Variants in ZNF552 observed in about 807,000 individuals in gnomAD.
The protein encoded by ZNF552 is zinc finger protein 552.
A neutral mutation model predicts 7.2 loss-of-function variants in ZNF552; 2 were observed. That is an observed-to-expected ratio of 0.28 (90% CI 0.11 to 0.88). The LOEUF is 0.88. Among genes scored for constraint, ZNF552 ranks in the 40% least tolerant of loss-of-function variants. ZNF552 has a pLI of 0.60. For synonymous variants in ZNF552, 173 were observed against 176.5 expected (o/e 0.98, Z 0.16); for missense variants, 421 against 493.4 (o/e 0.85, Z 1.39).
chr19:57,810,579 C>T (rs1194976792), intron 2 of ZNF552, among the ~76,000 whole-genome samples: 1 of 152,156 alleles, frequency 6.6e-6, no homozygotes, highest in Non-Finnish European at 1.5e-5. Flanking sequence ...TAAAAGTCAT[C>T]ACTACTCCCT....
rs1031096559 is a variant in ZNF552 at position 57,814,896 on chromosome 19, A to G, written c.-153T>C. ...GCGCTCCAAGGACTCCCTAACGCCA[A>G]TGGAAATGGTCGCTACTAAAGGGCG... On this transcript the variant is annotated 5_prime_UTR_variant, in exon 1 of 3. Coordinates refer to ENST00000391701, the MANE Select transcript of ZNF552 (RefSeq NM_024762.3). The G allele has an allele frequency of 1.8e-5, 14 of 788,512 alleles. No homozygotes were observed. The highest frequency in any genetic ancestry group is 3.7e-5 in the South Asian group (2 of 53,852). 48.8% of individuals were successfully genotyped at this position (788,512 alleles called of 1,614,324 possible). A position where few individuals can be genotyped will look rare whatever the true frequency, so the allele number is the denominator to read the frequency against.
At position 57,814,858 on chromosome 19, in the gene ZNF552, C is replaced by CGT; in HGVS notation, c.-116_-115insAC. The CGT allele has an allele frequency of 8.9e-7, 1 of 1,118,880 alleles. No homozygotes were observed. Among genetic ancestry groups the CGT allele is most frequent in the East Asian group, 2.6e-5 (1 of 39,056 alleles). The allele number at this position is 1,118,880 out of a possible 1,614,324, so 69.3% of individuals were successfully genotyped here. ...GACCTCCTGGATCCAGTCACCACCA[C>CGT]GGTCCCAACACAGCGCTCCAAGGAC... On this transcript the variant is annotated 5_prime_UTR_variant, in exon 1 of 3. Coordinates refer to ENST00000391701, the MANE Select transcript of ZNF552 (RefSeq NM_024762.3).
chr19:57,813,083 T>C, intron 2 of ZNF552: 10 of 727,608 alleles, frequency 1.4e-5, no homozygotes, highest in Non-Finnish European at 2.1e-5. Flanking sequence ...GTAAGACTTC[T>C]GACTCTGAAT....
In ZNF552 at chr19:57,809,161, C is replaced by A. The variant is rs1435417766; in HGVS notation, c.161-58G>T. ...TTAACTCTGGTGGGAAGGCACAGAC[C>A]ACCCACAAGTGTATCTGAAAAACTG... On this transcript the variant is annotated intron_variant, in intron 2 of 2. Transcript: ENST00000391701. The A allele has an allele frequency of 3.1e-5, 49 of 1,590,754 alleles. 1 individual carries two copies. The Admixed American group carries it at 8.8e-4, about 29-fold the overall frequency.
intron 2 of ZNF552, among the ~76,000 whole-genome samples, chr19:57,812,821 G>A (rs1987882266): frequency 6.6e-6 from 1 of 152,098 alleles, no homozygotes; most frequent in African/African-American, 2.4e-5. Flanking sequence ...CACCTACCTT[G>A]GCCTCCCTGA....
rs45453902 is a variant in ZNF552 at position 57,807,877 on chromosome 19, C to G, written c.*163G>C. On this transcript the variant is annotated 3_prime_UTR_variant, in exon 3 of 3. Transcript: ENST00000391701. ...GGAATACAGAGGTGTGGCTACAAAA[C>G]TGCCCAAATTTATTTTACTTGTAAG... The G allele has an allele frequency of 2.9e-3, 2,953 of 1,020,644 alleles. 8 individuals are homozygous for G. Among genetic ancestry groups the G allele is most frequent in the Non-Finnish European group, 3.4e-3 (2,495 of 723,350 alleles). 63.2% of individuals were successfully genotyped at this position (1,020,644 alleles called of 1,614,324 possible).
chr19:57,809,574 C>G (rs962506043), intron 2 of ZNF552, among the ~76,000 whole-genome samples: 2 of 151,682 alleles, frequency 1.3e-5, no homozygotes, highest in African/African-American at 4.9e-5. Context: ...GATGTGAGGT[C>G]CAGAGATGTG....
At chr19:57,814,229 C>T (rs1026931467) in intron 1 of ZNF552, among the ~76,000 whole-genome samples, 5 of 152,112 alleles carry the variant, frequency 3.3e-5, no homozygotes, top group African/African-American at 1.2e-4. Flanking sequence ...AAAGTGTCAT[C>T]TCTACCACCT....
chr19:57,812,576 T>G (rs371457672), intron 2 of ZNF552, among the ~76,000 whole-genome samples: 29 of 152,134 alleles, frequency 1.9e-4, no homozygotes, highest in African/African-American at 6.3e-4. Context: ...CAAAAAGAAT[T>G]TCTGTTTTTT....
At chr19:57,810,779 G>A (rs1238588153) in intron 2 of ZNF552, among the ~76,000 whole-genome samples, 1 of 152,172 alleles carries the variant, frequency 6.6e-6, no homozygotes, top group Non-Finnish European at 1.5e-5. Context: ...ATAAGAGGAG[G>A]GCATCTGTCT....
rs767026723 is a variant in ZNF552 at position 57,808,034 on chromosome 19, C to A, written c.*6G>T. The A allele has an allele frequency of 6.3e-7, 1 of 1,599,154 alleles. No homozygotes were observed. Among genetic ancestry groups the A allele is most frequent in the African/African-American group, 1.3e-5 (1 of 74,192 alleles). ...CCAATATTTAATGAGACTGGACTCA[C>A]TGCACTCATAAGCCCTTTCTTTTGT... On this transcript the variant is annotated 3_prime_UTR_variant, in exon 3 of 3. Coordinates refer to ENST00000391701, the MANE Select transcript of ZNF552 (RefSeq NM_024762.3).
At chr19:57,812,419 C>T (rs1234560960) in intron 2 of ZNF552, among the ~76,000 whole-genome samples, 1 of 152,036 alleles carries the variant, frequency 6.6e-6, no homozygotes, top group African/African-American at 2.4e-5. Context: ...TTTGCATCTT[C>T]TGACCACAGA....
At chr19:57,810,444 A>C in intron 2 of ZNF552, among the ~76,000 whole-genome samples, 1 of 152,142 alleles carries the variant, frequency 6.6e-6, no homozygotes, top group East Asian at 1.9e-4. Flanking sequence ...AGATGCTGTT[A>C]ATCTGTAACC....
Position 57,808,066 on chromosome 19 carries a change from T to C in ZNF552, c.1198A>G (p.Arg400Gly). 3.1e-6 allele frequency: 5 copies of C among 1,613,264 alleles called. No homozygotes were observed. Among genetic ancestry groups the C allele is most frequent in the Non-Finnish European group, 2.5e-6 (3 of 1,179,602 alleles). ...RQISSLRHHQ[R>G]VHKRKGL Reference sequence around the variant, plus strand: ...CATAAGCCCTTTCTTTTGTGAACTCTCTGATGATGACGAAGTGAAGAGATT... The same window carrying C: ...CATAAGCCCTTTCTTTTGTGAACTCCCTGATGATGACGAAGTGAAGAGATT... The change falls in exon 3 of 3, where the codon AGA becomes GGA. Residue 400 changes from arginine (R) to glycine (G), a missense_variant. Around this residue, in one of 2 missense-constraint regions of ZNF552, gnomAD observed 299 missense variants for 293.7 expected, o/e 1.02. Transcript: ENST00000391701.
intron 2 of ZNF552, among the ~76,000 whole-genome samples, chr19:57,810,103 C>T (rs1987824649): frequency 6.6e-6 from 1 of 151,590 alleles, no homozygotes. Context: ...GTGTGAGAAC[C>T]TGTCTCAAAA....
At position 57,808,587 on chromosome 19, in the gene ZNF552, A is replaced by G. The variant is rs1357954926; in HGVS notation, c.677T>C (p.Ile226Thr). 23 of 1,614,028 alleles carry G rather than the reference A, an allele frequency of 1.4e-5. No homozygotes were observed. Among genetic ancestry groups the G allele is most frequent in the Non-Finnish European group, 1.8e-5 (21 of 1,180,030 alleles). Reference sequence around the variant, plus strand: ...GAGCAGTCTCTCGTGCTGACTGAGTATATCTTTGGTGCTAAAATGTTTCAT... The same window carrying G: ...GAGCAGTCTCTCGTGCTGACTGAGTGTATCTTTGGTGCTAAAATGTTTCAT... ...GCMKHFSTKD[I>T]LSQHERLLPT... Residue 226 changes from isoleucine to threonine, a missense_variant, in exon 3 of 3, where the codon ATA becomes ACA. Ile to Thr is a moderately conservative substitution (Grantham distance 89). Coordinates refer to ENST00000391701, the MANE Select transcript of ZNF552 (RefSeq NM_024762.3).
intron 2 of ZNF552, among the ~76,000 whole-genome samples, chr19:57,810,249 C>G (rs1048779960): frequency 5.9e-5 from 9 of 152,072 alleles, no homozygotes; most frequent in Admixed American, 5.9e-4. Flanking sequence ...CTGGGCGGAT[C>G]ACCTGACGTC....
intron 2 of ZNF552, among the ~76,000 whole-genome samples, chr19:57,811,457 C>T (rs978537092): frequency 6.6e-6 from 1 of 152,076 alleles, no homozygotes; most frequent in African/African-American, 2.4e-5. Context: ...CCACCGCACC[C>T]AGCCCACTTT....
intron 1 of ZNF552, among the ~76,000 whole-genome samples, chr19:57,814,168 C>T (rs933355115): frequency 2.0e-5 from 3 of 152,126 alleles, no homozygotes; most frequent in African/African-American, 7.2e-5. Flanking sequence ...GCTTTTGTGT[C>T]CACGGAGCCA....
Sources: allele counts gnomAD v4.1 joint callset (sites outside exome capture counted in the v4.1 genomes callset), GRCh38; gene constraint gnomAD v4.1.1; regional missense constraint gnomAD v4.1.1; transcripts MANE v1.5; gene names NCBI Gene and HGNC (gene_info 2026-07-23, HGNC 2026-07-21).